GPC6: variants seen among roughly 807,000 people sequenced by gnomAD.
GPC6 encodes glypican 6.
Under a neutral mutation model 55.2 loss-of-function variants are expected in GPC6, and 14 were observed. The observed-to-expected ratio is 0.25, with a 90% CI of 0.17 to 0.40. GPC6 has a LOEUF of 0.40. Ranked by LOEUF, GPC6 falls within the 10% of genes least tolerant of loss-of-function variation. GPC6 has a pLI of 1.00. For synonymous variants in GPC6, 278 were observed against 259.6 expected (o/e 1.07, Z -0.68); for missense variants, 641 against 708.5 (o/e 0.90, Z 1.08).
Position 93,683,272 on chromosome 13 carries a change from C to CTT in GPC6, c.319+137857_319+137858dup, listed in dbSNP as rs35040688. 4.6e-5 allele frequency among the ~76,000 whole-genome samples: 7 copies of CTT among 151,602 alleles called. No individual in the cohort carries two copies. The East Asian group carries it at 5.8e-4, about 13-fold the overall frequency. ...CTATAGGAAATACTCAATACAATAT[C>CTT]TTTTTTTGGTATTTCTGCTTTAATA... On this transcript the variant is annotated intron_variant, in intron 2 of 8. Coordinates refer to ENST00000377047, the MANE Select transcript of GPC6 (RefSeq NM_005708.5).
At chr13:94,374,346 C>A (rs1879734633) in intron 6 of GPC6, among the ~76,000 whole-genome samples, 1 of 151,010 alleles carries the variant, frequency 6.6e-6, no homozygotes. Flanking sequence ...CCCACATAGG[C>A]TCAAAATAAA....
chr13:93,221,740 C>A, the GPC6 span, among the ~76,000 whole-genome samples: 5 of 152,162 alleles, frequency 3.3e-5, no homozygotes, highest in Non-Finnish European at 4.4e-5. Context: ...AGGCACCTGG[C>A]AGAGCTACTG....
intron 2 of GPC6, among the ~76,000 whole-genome samples, chr13:93,698,074 T>C (rs140638513): frequency 1.0e-3 from 154 of 152,270 alleles, no homozygotes; most frequent in African/African-American, 3.5e-3. Flanking sequence ...GCCAAAGTTG[T>C]CATCATTGAG....
In GPC6 at chr13:94,406,296, A is replaced by G. The variant is rs1881363402; in HGVS notation, c.*3079A>G. On this transcript the variant is annotated 3_prime_UTR_variant, in exon 9 of 9. Coordinates refer to ENST00000377047, the MANE Select transcript of GPC6 (RefSeq NM_005708.5). ...TCACAACAAAAGCTAAACAGAGGCT[A>G]AAGTCTTTAGCAGAGAAGAATGAAT... The G allele has an allele frequency of 6.6e-6, 1 of 152,176 alleles. No homozygotes were observed. The allele number at this position is 152,176 out of a possible 1,614,324, so 9.4% of individuals were successfully genotyped here. A position where few individuals can be genotyped will look rare whatever the true frequency, so the allele number is the denominator to read the frequency against.
At chr13:94,141,496 G>T (rs1383689136) in intron 4 of GPC6, among the ~76,000 whole-genome samples, 1 of 151,936 alleles carries the variant, frequency 6.6e-6, no homozygotes, top group African/African-American at 2.4e-5. Flanking sequence ...TATTAATGCT[G>T]GTCAGTTGTG....
Position 94,256,885 on chromosome 13 carries a change from C to T in GPC6, c.878-29464C>T, listed in dbSNP as rs547328580. ...TTAGACTGAACAAAATTTCTTTTTT[C>T]CTTTGTGTCAATCACATACTAAAAA... On this transcript the variant is annotated intron_variant, in intron 4 of 8. Transcript: ENST00000377047. Among the ~76,000 whole-genome samples, 548 of 152,178 alleles carry T rather than the reference C, an allele frequency of 3.6e-3. 2 individuals are homozygous for T. The highest frequency in any genetic ancestry group is 0.013 in the African/African-American group (529 of 41,530).
intron 4 of GPC6, among the ~76,000 whole-genome samples, chr13:94,256,957 T>C (rs1334151095): frequency 6.6e-6 from 1 of 152,256 alleles, no homozygotes; most frequent in Non-Finnish European, 1.5e-5. Flanking sequence ...TTCTCTTTCA[T>C]AGATTCTGTT....
At chr13:94,308,240 A>T (rs1445388464) in intron 6 of GPC6, among the ~76,000 whole-genome samples, 1 of 152,212 alleles carries the variant, frequency 6.6e-6, no homozygotes, top group East Asian at 1.9e-4. Flanking sequence ...CAAGAAAAAT[A>T]TGTTTCTAAA....
chr13:93,225,113 G>A (rs921052841), upstream of GPC6, among the ~76,000 whole-genome samples: 1 of 152,116 alleles, frequency 6.6e-6, no homozygotes, highest in South Asian at 2.1e-4. Context: ...TGAATTATCT[G>A]CTATACTGAG....
At chr13:94,160,393 C>T (rs1278687565) in intron 4 of GPC6, among the ~76,000 whole-genome samples, 1 of 152,136 alleles carries the variant, frequency 6.6e-6, no homozygotes, top group African/African-American at 2.4e-5. Context: ...CTATATAAGT[C>T]ACAGATAGGA....
intron 2 of GPC6, among the ~76,000 whole-genome samples, chr13:93,756,409 C>T (rs1000821260): frequency 7.2e-5 from 11 of 152,094 alleles, no homozygotes; most frequent in African/African-American, 1.4e-4. Flanking sequence ...AATGTACTTC[C>T]GGACATGCTG....
In GPC6 at chr13:94,018,728, C is replaced by T. The variant is rs114078317; in HGVS notation, c.712-9001C>T. On this transcript the variant is annotated intron_variant, in intron 3 of 8. Transcript: ENST00000377047. ...GCCGTGGACTGTGGCCTGTTAGGAA[C>T]GGGTTCACACAGCAGGACATGAGCA... Among the ~76,000 whole-genome samples, 784 of 152,266 alleles carry T rather than the reference C, an allele frequency of 5.1e-3. 8 individuals are homozygous for T. The highest frequency in any genetic ancestry group is 0.016 in the African/African-American group (648 of 41,556).
chr13:93,485,732 G>A (rs1290742317), intron 1 of GPC6, among the ~76,000 whole-genome samples: 4 of 152,130 alleles, frequency 2.6e-5, no homozygotes, highest in Non-Finnish European at 4.4e-5. Context: ...GTTTGATGGG[G>A]TTCAGGCAGG....
intron 3 of GPC6, among the ~76,000 whole-genome samples, chr13:93,994,878 A>G (rs899873543): frequency 5.9e-5 from 9 of 152,278 alleles, no homozygotes; most frequent in African/African-American, 1.9e-4. Flanking sequence ...CAGTTTCTAC[A>G]CTGTATGCTG....
At chr13:94,147,141 T>G (rs919105324) in intron 4 of GPC6, among the ~76,000 whole-genome samples, 4 of 152,160 alleles carry the variant, frequency 2.6e-5, no homozygotes, top group African/African-American at 9.7e-5. Context: ...ACTAGAAAAT[T>G]GAAGTGATTA....
chr13:94,312,853 G>A (rs540945388), intron 6 of GPC6, among the ~76,000 whole-genome samples: 1 of 152,296 alleles, frequency 6.6e-6, no homozygotes, highest in Admixed American at 6.5e-5. Flanking sequence ...AATGGGTCAA[G>A]GCCAGATTGG....
At chr13:93,309,813 T>G (rs560090529) in intron 1 of GPC6, among the ~76,000 whole-genome samples, 1 of 152,362 alleles carries the variant, frequency 6.6e-6, no homozygotes, top group African/African-American at 2.4e-5. Context: ...TTGATGGTTC[T>G]TCTTTACTTA....
intron 4 of GPC6, among the ~76,000 whole-genome samples, chr13:94,091,908 T>TTGTGTGTGTGTGTGTG (rs61061006): frequency 4.0e-5 from 6 of 148,392 alleles, no homozygotes; most frequent in African/African-American, 1.3e-4. Flanking sequence ...GTGTGTGTGT[T>TTGTGTGTGTGTGTGTG]TGTGTGTGTG....
At chr13:94,066,619 G>A (rs769788661) in intron 4 of GPC6, among the ~76,000 whole-genome samples, 1 of 152,150 alleles carries the variant, frequency 6.6e-6, no homozygotes, top group African/African-American at 2.4e-5. Context: ...AGTTCTCCAT[G>A]CTCTATGGAG....
Sources: allele counts gnomAD v4.1 joint callset (sites outside exome capture counted in the v4.1 genomes callset), GRCh38; gene constraint gnomAD v4.1.1; transcripts MANE v1.5; gene names NCBI Gene and HGNC (gene_info 2026-07-23, HGNC 2026-07-21).